CSMD2: variants seen among roughly 807,000 people sequenced by gnomAD.
CSMD2 encodes the protein CUB and sushi domain-containing protein 2.
A neutral mutation model predicts 398.5 loss-of-function variants in CSMD2; 130 were observed. That is an observed-to-expected ratio of 0.33 (90% confidence interval 0.28 to 0.38). The LOEUF (loss-of-function observed/expected upper bound fraction) is 0.38. CSMD2 is among the 10% of genes least tolerant of loss of function. CSMD2 has a pLI of 1.00. For missense variants in CSMD2, 3,829 were observed against 4,764.9 expected (o/e 0.80, Z 5.78); for synonymous variants, 1,828 against 1,908.5 (o/e 0.96, Z 1.10).
chr1:33,645,752 A>G (rs1359333773), intron 29 of CSMD2, among the ~76,000 whole-genome samples: 2 of 152,242 alleles, frequency 1.3e-5, no homozygotes, highest in Admixed American at 6.5e-5. Flanking sequence ...GAATTTTCCT[A>G]CCATCGTTTT....
chr1:33,553,240 T>C (rs1449542172), intron 55 of CSMD2, among the ~76,000 whole-genome samples: 1 of 152,216 alleles, frequency 6.6e-6, no homozygotes, highest in Non-Finnish European at 1.5e-5. Flanking sequence ...CAATAATACG[T>C]GCTCACTTCA....
chr1:34,106,311 A>G (rs886935711), intron 1 of CSMD2, among the ~76,000 whole-genome samples: 1 of 152,176 alleles, frequency 6.6e-6, no homozygotes, highest in African/African-American at 2.4e-5. Flanking sequence ...AAGTCTGAGA[A>G]GGGGCCAACA....
chr1:34,142,649 G>T (rs939014509), intron 1 of CSMD2, among the ~76,000 whole-genome samples: 4 of 152,178 alleles, frequency 2.6e-5, no homozygotes, highest in African/African-American at 9.7e-5. Flanking sequence ...CAGCAGCATG[G>T]GCTTTGGAGT....
chr1:34,129,166 G>T (rs1346290113), intron 1 of CSMD2, among the ~76,000 whole-genome samples: 2 of 152,212 alleles, frequency 1.3e-5, no homozygotes, highest in Non-Finnish European at 2.9e-5. Context: ...CCTTCTGGAA[G>T]AATCTGTGTA....
At chr1:33,755,744 A>G (rs1648898303) in intron 13 of CSMD2, among the ~76,000 whole-genome samples, 1 of 152,150 alleles carries the variant, frequency 6.6e-6, no homozygotes, top group Non-Finnish European at 1.5e-5. Flanking sequence ...TCCTGGGCTA[A>G]AAGTGATCCT....
intron 3 of CSMD2, among the ~76,000 whole-genome samples, chr1:34,015,064 G>A (rs945242616): frequency 5.9e-5 from 9 of 152,196 alleles, no homozygotes; most frequent in African/African-American, 1.7e-4. Context: ...AGAAAAGAAG[G>A]AAGTCCTCCT....
At chr1:33,602,273 G>C in intron 43 of CSMD2, 96 bp downstream of exon 43, 1 of 1,356,296 alleles carries the variant, frequency 7.4e-7, no homozygotes, top group Non-Finnish European at 1.0e-6. Flanking sequence ...TTCACCTCTT[G>C]GTTTTTCTAA....
At position 33,536,873 on chromosome 1, in the gene CSMD2, T is replaced by A. The variant is rs187899210; in HGVS notation, c.9879+149A>T. The A allele has an allele frequency of 1.5e-4, 106 of 703,808 alleles. 1 individual carries two copies. In the Admixed American group the frequency reaches 2.7e-3, roughly 18 times the overall value. 43.6% of individuals were successfully genotyped at this position (703,808 alleles called of 1,614,324 possible). A position where few individuals can be genotyped will look rare whatever the true frequency, so the allele number is the denominator to read the frequency against. ...GCAGGGTGCTCCCATGGAGCACTGT[T>A]CAAAGAGGCAGAGGGCTTTCTTTCT... On this transcript the variant is annotated intron_variant, in intron 62 of 70. Transcript: ENST00000373381.
At chr1:33,522,932 G>A (rs187422257) in intron 67 of CSMD2, among the ~76,000 whole-genome samples, 71 of 152,308 alleles carry the variant, frequency 4.7e-4, no homozygotes, top group African/African-American at 1.6e-3. Context: ...TCAAGTGTGA[G>A]GAGAAGTTCA....
intron 3 of CSMD2, among the ~76,000 whole-genome samples, chr1:33,979,793 G>GAGCC (rs1364165542): frequency 6.6e-6 from 1 of 152,166 alleles, no homozygotes; most frequent in Non-Finnish European, 1.5e-5. Context: ...AGGGACCCCA[G>GAGCC]AGCCCATCTG....
chr1:33,866,373 A>C (rs1640034812), intron 5 of CSMD2, among the ~76,000 whole-genome samples: 1 of 152,252 alleles, frequency 6.6e-6, no homozygotes, highest in Non-Finnish European at 1.5e-5. Flanking sequence ...AAGTGAATGC[A>C]GAAAGTAATG....
intron 3 of CSMD2, among the ~76,000 whole-genome samples, chr1:33,970,243 G>T (rs1346424405): frequency 1.3e-5 from 2 of 152,174 alleles, no homozygotes; most frequent in African/African-American, 4.8e-5. Context: ...GCTTCAGATG[G>T]TGAAGAAAGG....
chr1:33,989,947 C>G (rs1029638982), intron 3 of CSMD2, among the ~76,000 whole-genome samples: 1 of 152,096 alleles, frequency 6.6e-6, no homozygotes, highest in African/African-American at 2.4e-5. Flanking sequence ...CTTGTGAAAA[C>G]GCACCAAACT....
intron 1 of CSMD2, among the ~76,000 whole-genome samples, chr1:34,126,787 GGAGA>G (rs966917075): frequency 3.4e-5 from 1 of 29,538 alleles, no homozygotes; most frequent in African/African-American, 7.3e-5. Context: ...AGAGACTCGG[GGAGA>G]GAGAGAGACA....
intron 25 of CSMD2, among the ~76,000 whole-genome samples, chr1:33,663,418 C>T (rs1362269362): frequency 6.6e-6 from 1 of 152,082 alleles, no homozygotes; most frequent in Non-Finnish European, 1.5e-5. Context: ...TCTCCCTGAG[C>T]CCATATTGTT....
At chr1:33,946,008 A>G (rs954729313) in intron 3 of CSMD2, among the ~76,000 whole-genome samples, 1 of 152,214 alleles carries the variant, frequency 6.6e-6, no homozygotes, top group Non-Finnish European at 1.5e-5. Flanking sequence ...GGTGTGTTCT[A>G]TGATACACTG....
At chr1:33,927,401 T>C (rs1022521475) in intron 4 of CSMD2, among the ~76,000 whole-genome samples, 2 of 152,210 alleles carry the variant, frequency 1.3e-5, no homozygotes, top group Non-Finnish European at 2.9e-5. Flanking sequence ...GACATGGTAT[T>C]TGATTACATG....
chr1:33,522,907 T>A (rs1322251814), intron 67 of CSMD2, among the ~76,000 whole-genome samples: 2 of 152,178 alleles, frequency 1.3e-5, no homozygotes, highest in African/African-American at 4.8e-5. Context: ...TGTTAATCAC[T>A]CACAATCTGC....
chr1:33,852,991 A>G (rs1638825460), intron 5 of CSMD2, among the ~76,000 whole-genome samples: 1 of 152,242 alleles, frequency 6.6e-6, no homozygotes, highest in Non-Finnish European at 1.5e-5. Context: ...GCTAATTCCT[A>G]CCATAGAAGC....
Sources: gnomAD v4.1 joint callset for allele counts (sites outside exome capture counted in the v4.1 genomes callset) on GRCh38, gnomAD v4.1.1 for gene constraint, MANE v1.5 for transcripts, NCBI Gene and HGNC (gene_info 2026-07-23, HGNC 2026-07-21) for gene names.